Variants in TSFM observed in about 807,000 individuals in gnomAD.
TSFM encodes the protein elongation factor Ts, mitochondrial.
In TSFM, 29 loss-of-function variants were observed where a neutral mutation model predicts 33.4. The ratio of observed to expected loss-of-function variants is 0.87; its 90% CI spans 0.65 to 1.18. The LOEUF (loss-of-function observed/expected upper bound fraction) is 1.18. TSFM is among the 50% of genes most tolerant of loss of function. The pLI is 0.00. For synonymous variants in TSFM, 178 were observed against 163.5 expected (o/e 1.09, Z -0.68); for missense variants, 394 against 395.6 (o/e 1.00, Z 0.04).
intron 2 of TSFM, 51 bp downstream of exon 2, chr12:57,783,334 T>A: frequency 6.2e-7 from 1 of 1,608,818 alleles, no homozygotes; most frequent in East Asian, 2.2e-5. Context: ...GACCTCAGAC[T>A]CTTGGGGCGG....
rs146470156 is a variant in TSFM, at chr12:57,792,691, T to C, written c.484-295T>C. 6.3e-3 allele frequency among the ~76,000 whole-genome samples: 952 copies of C among 152,096 alleles called. 26 individuals are homozygous for C. In the South Asian group the frequency reaches 0.068, roughly 11 times the overall value. On this transcript the variant is annotated intron_variant, in intron 4 of 5. Coordinates refer to ENST00000652027, the MANE Select transcript of TSFM (RefSeq NM_005726.6). ...CAGTGCAACCTCCGCCTCCCAGGTT[T>C]AAGCGATTCTCACGTCTCAGGCTCC... is the stretch of plus-strand genomic sequence containing the variant.
chr12:57,800,160 A>G (rs1320910572), downstream of TSFM: 3 of 444,738 alleles, frequency 6.7e-6, no homozygotes, highest in Admixed American at 7.2e-5. Context: ...CAAGTCCTGT[A>G]TAGCTAGTTT....
intron 5 of TSFM, among the ~76,000 whole-genome samples, chr12:57,795,380 G>A (rs1269318715): frequency 6.6e-6 from 1 of 152,040 alleles, no homozygotes; most frequent in Admixed American, 6.6e-5. Flanking sequence ...GATTACAGGC[G>A]TGAGCCACCA....
intron 2 of TSFM, among the ~76,000 whole-genome samples, chr12:57,785,588 G>A (rs1469956666): frequency 6.6e-6 from 1 of 152,136 alleles, no homozygotes; most frequent in Non-Finnish European, 1.5e-5. Context: ...TCAGCCACCC[G>A]AGTAGTTTAT....
At position 57,793,169 on chromosome 12, in the gene TSFM, A is replaced by G. The variant is rs1022524165; in HGVS notation, c.571+96A>G. On this transcript the variant is annotated intron_variant, in intron 5 of 5. Coordinates refer to ENST00000652027, the MANE Select transcript of TSFM (RefSeq NM_005726.6). ...TCTAGGTCAAGAATCATGTGCCTAC[A>G]AGGGTCAGATGATACGAACGTGAGA... is the stretch of plus-strand genomic sequence containing the variant. 2.8e-6 allele frequency: 3 copies of G among 1,054,254 alleles called. No individual in the cohort carries two copies. In the African/African-American group the frequency reaches 4.8e-5, roughly 17 times the overall value. The allele number at this position is 1,054,254 out of a possible 1,614,324, so 65.3% of individuals were successfully genotyped here.
In TSFM at chr12:57,796,924, C is replaced by G. The variant is rs1280484347; in HGVS notation, c.*341C>G. The G allele has an allele frequency of 1.0e-6, 1 of 998,812 alleles. No individual in the cohort carries two copies. The highest frequency in any genetic ancestry group is 1.2e-6 in the Non-Finnish European group (1 of 839,464). The allele number at this position is 998,812 out of a possible 1,614,324, so 61.9% of individuals were successfully genotyped here. ...TTTTATGACATAGAACTCTTTTGTT[C>G]TGTTTTTGCTTTGCGACACTGTGAA... is the stretch of plus-strand genomic sequence containing the variant. On this transcript the variant is annotated 3_prime_UTR_variant, in exon 6 of 6. Transcript: ENST00000652027.
At chr12:57,790,173 A>G (rs1397195319) in intron 4 of TSFM, among the ~76,000 whole-genome samples, 1 of 147,928 alleles carries the variant, frequency 6.8e-6, no homozygotes, top group Non-Finnish European at 1.5e-5. Context: ...CGGTTCAAGC[A>G]GTTCTCCTGC....
chr12:57,800,377 C>A (rs1362521095), downstream of TSFM: 1 of 156,690 alleles, frequency 6.4e-6, no homozygotes, highest in African/African-American at 2.4e-5. Context: ...GGTTTGAACA[C>A]CTGGTGCCAT....
intron 5 of TSFM, among the ~76,000 whole-genome samples, chr12:57,794,385 C>A (rs1955703097): frequency 6.6e-6 from 1 of 152,132 alleles, no homozygotes; most frequent in African/African-American, 2.4e-5. Context: ...ATTTGGACTT[C>A]TGTTAGAAGA....
Position 57,783,123 on chromosome 12 carries a change from T to A in TSFM, c.71T>A (p.Leu24Gln). The A allele has an allele frequency of 1.9e-6, 3 of 1,610,854 alleles. No homozygotes were observed. Among genetic ancestry groups the A allele is most frequent in the Non-Finnish European group, 2.5e-6 (3 of 1,179,688 alleles). ...RTGSYPAGSL[L>Q]RQSPQPRHTF... ...TATCTCATCTAGGCTGGGTCTCTTCTGCGTCAGTCGCCCCAGCCAAGGCAC... is the reference window on the plus strand; with the variant it reads ...TATCTCATCTAGGCTGGGTCTCTTCAGCGTCAGTCGCCCCAGCCAAGGCAC... Residue 24 changes from leucine (L) to glutamine (Q), a missense_variant, in exon 2 of 6, where the codon CTG (leucine) becomes CAG (glutamine). Leu to Gln is a moderately radical substitution (Grantham distance 113). Transcript: ENST00000652027.
At position 57,783,163 on chromosome 12, in the gene TSFM, G is replaced by T. The variant is rs2140413140; in HGVS notation, c.111G>T (p.Gly37=). Residue 37 remains glycine (G), a synonymous_variant, in exon 2 of 6, where the codon GGG becomes GGT. Transcript: ENST00000652027. ...AGCCAAGGCACACATTTTATGCTGG[G>T]CCCCGTCTGTCTGCCTCGGCCTCCA... ...SPQPRHTFYA[G]PRLSASASSK... is the part of the protein sequence containing the mutation. The T allele has an allele frequency of 6.2e-7, 1 of 1,613,154 alleles. No individual in the cohort carries two copies. The highest frequency in any genetic ancestry group is 1.3e-5 in the African/African-American group (1 of 75,026).
At chr12:57,802,335 A>G (rs143252193), downstream of TSFM, 1,047 of 1,612,020 alleles carry the variant, frequency 6.5e-4, 7 homozygotes, top group African/African-American at 0.012. Flanking sequence ...CTCAGCCCCA[A>G]TCCACAAGAA....
Position 57,796,221 on chromosome 12 carries a change from A to G in TSFM, c.616A>G (p.Lys206Glu), listed in dbSNP as rs1383793488. 6.2e-7 allele frequency: 1 copy of G among 1,605,914 alleles called. No homozygotes were observed. The highest frequency in any genetic ancestry group is 1.3e-5 in the African/African-American group (1 of 74,666). Residue 206 changes from lysine to glutamate, a missense_variant, in exon 6 of 6, where the codon AAG becomes GAG. Lys to Glu is a moderately conservative substitution (Grantham distance 56). Coordinates refer to ENST00000652027, the MANE Select transcript of TSFM (RefSeq NM_005726.6). ...NMILKRAAWV[K>E]VPSGFYVGSY... is the part of the protein sequence containing the mutation. ...GATTCTTAAACGAGCTGCATGGGTG[A>G]AGGTGCCATCTGGGTTCTACGTTGG... is the stretch of plus-strand genomic sequence containing the variant.
At chr12:57,786,366 G>C in intron 3 of TSFM, 75 bp downstream of exon 3, 1 of 1,483,614 alleles carries the variant, frequency 6.7e-7, no homozygotes, top group Non-Finnish European at 9.0e-7. Flanking sequence ...CCCTAAAGGG[G>C]CCTGTTCTTG....
Position 57,783,275 on chromosome 12 carries a change from C to T in TSFM, c.223C>T (p.Leu75Phe). 2 of 1,613,690 alleles carry T rather than the reference C, an allele frequency of 1.2e-6. No individual in the cohort carries two copies. The highest frequency in any genetic ancestry group is 2.2e-5 in the East Asian group (1 of 44,880). ...KKALETCGGD[L>F]KQAEIWLHKE... Reference sequence around the variant, plus strand: ...AGCTCTGGAGACTTGTGGCGGGGACCTCAAACAGGTGTGTGTGTGGAGGGG... The same window carrying T: ...AGCTCTGGAGACTTGTGGCGGGGACTTCAAACAGGTGTGTGTGTGGAGGGG... The change falls in exon 2 of 6, where the codon CTC (leucine) becomes TTC (phenylalanine). Residue 75 changes from leucine (L) to phenylalanine (F), a missense_variant. Leu to Phe is a conservative substitution (Grantham distance 22). Coordinates refer to ENST00000652027, the MANE Select transcript of TSFM (RefSeq NM_005726.6).
chr12:57,789,459 G>T (rs542033331), intron 4 of TSFM, among the ~76,000 whole-genome samples: 1 of 152,138 alleles, frequency 6.6e-6, no homozygotes, highest in Non-Finnish European at 1.5e-5. Flanking sequence ...CACCTCCTGG[G>T]TTCGAGCAAT....
At chr12:57,788,554 G>T (rs1201223551) in intron 4 of TSFM, among the ~76,000 whole-genome samples, 1 of 152,212 alleles carries the variant, frequency 6.6e-6, no homozygotes, top group South Asian at 2.1e-4. Flanking sequence ...TGGGATTACA[G>T]GCGTGAGCCA....
intron 1 of TSFM, 90 bp from the exon 2 acceptor site, chr12:57,783,020 C>A: frequency 6.6e-7 from 1 of 1,515,068 alleles, no homozygotes; most frequent in Non-Finnish European, 8.9e-7. Flanking sequence ...GCACACTGTC[C>A]GCTCCCTAAG....
In TSFM at chr12:57,796,727, T is replaced by C; in HGVS notation, c.*144T>C. The C allele has an allele frequency of 1.6e-6, 2 of 1,239,032 alleles. No homozygotes were observed. The highest frequency in any genetic ancestry group is 2.0e-6 in the Non-Finnish European group (2 of 991,230). The allele number at this position is 1,239,032 out of a possible 1,614,324, so 76.8% of individuals were successfully genotyped here. On this transcript the variant is annotated 3_prime_UTR_variant, in exon 6 of 6. Transcript: ENST00000652027. ...TTGTATAATAAAAATAATTTTTTCCTTGTTTGCGTAATACTGGATTTAGCT... is the reference window on the plus strand; with the variant it reads ...TTGTATAATAAAAATAATTTTTTCCCTGTTTGCGTAATACTGGATTTAGCT...
Sources: allele counts gnomAD v4.1 joint callset (sites outside exome capture counted in the v4.1 genomes callset), GRCh38; gene constraint gnomAD v4.1.1; transcripts MANE v1.5; gene names NCBI Gene and HGNC (gene_info 2026-07-23, HGNC 2026-07-21).